CCSER1: variants seen among roughly 807,000 people sequenced by gnomAD.
The protein encoded by CCSER1 is serine-rich coiled-coil domain-containing protein 1.
Under a neutral mutation model 82.0 loss-of-function variants are expected in CCSER1, and 41 were observed. The observed-to-expected ratio is 0.50, with a 90% confidence interval of 0.39 to 0.65. The LOEUF is 0.65. Ranked by LOEUF, CCSER1 falls within the 30% of genes least tolerant of loss-of-function variation. The probability of loss-of-function intolerance (pLI) is 0.00; values close to 1 mark genes in which losing one functional copy is unlikely to be tolerated. For missense variants in CCSER1, 1,119 were observed against 1,064.2 expected, an observed-to-expected ratio of 1.05 and a Z score of -0.72; for synonymous variants, 414 against 383.9, an observed-to-expected ratio of 1.08 and a Z score of -0.92.
chr4:90,962,487 A>C (rs538860488), intron 9 of CCSER1, among the ~76,000 whole-genome samples: 1 of 152,284 alleles, frequency 6.6e-6, no homozygotes, highest in South Asian at 2.1e-4. Flanking sequence ...TCAATTTGAC[A>C]GTAAAATAAA....
intron 10 of CCSER1, among the ~76,000 whole-genome samples, chr4:91,142,753 G>T (rs955231678): frequency 1.3e-5 from 2 of 152,070 alleles, no homozygotes; most frequent in Non-Finnish European, 2.9e-5. Flanking sequence ...TCCTTATAGT[G>T]TATTTCTGTA....
intron 10 of CCSER1, among the ~76,000 whole-genome samples, chr4:91,463,562 A>C (rs971967978): frequency 3.3e-5 from 5 of 152,210 alleles, no homozygotes; most frequent in African/African-American, 9.6e-5. Context: ...CTCTGAGCTA[A>C]AGGAGGAAGT....
chr4:90,444,845 T>G (rs368816650), intron 4 of CCSER1, among the ~76,000 whole-genome samples: 1 of 152,172 alleles, frequency 6.6e-6, no homozygotes, highest in African/African-American at 2.4e-5. Flanking sequence ...AACTTTTAAC[T>G]GAAAATAAGA....
chr4:90,468,610 A>T (rs1000366012), intron 5 of CCSER1: 7 of 287,472 alleles, frequency 2.4e-5, no homozygotes, highest in African/African-American at 1.5e-4. Context: ...AGGCTGATGT[A>T]CTTTATTTCC....
intron 5 of CCSER1, among the ~76,000 whole-genome samples, chr4:90,534,819 A>G (rs1775112186): frequency 6.6e-6 from 1 of 152,202 alleles, no homozygotes; most frequent in Admixed American, 6.5e-5. Flanking sequence ...CATTTATTAT[A>G]CACACACTTA....
chr4:90,350,078 A>G (rs1404145231), intron 3 of CCSER1, among the ~76,000 whole-genome samples: 4 of 152,208 alleles, frequency 2.6e-5, no homozygotes, highest in Non-Finnish European at 5.9e-5. Context: ...GGCCTGGCAC[A>G]TAATAGATGA....
chr4:91,478,675 T>C (rs571467357), intron 10 of CCSER1, among the ~76,000 whole-genome samples: 65 of 151,976 alleles, frequency 4.3e-4, no homozygotes, highest in Non-Finnish European at 7.4e-4. Flanking sequence ...AATGTCAAAG[T>C]TCGAAATGGT....
At chr4:90,440,322 T>A (rs909610487) in intron 4 of CCSER1, among the ~76,000 whole-genome samples, 6 of 152,176 alleles carry the variant, frequency 3.9e-5, no homozygotes, top group African/African-American at 1.2e-4. Flanking sequence ...ATATTTTAAA[T>A]TTCTGTGTAA....
chr4:90,570,993 T>C (rs1780052217), intron 5 of CCSER1, among the ~76,000 whole-genome samples: 1 of 151,582 alleles, frequency 6.6e-6, no homozygotes, highest in African/African-American at 2.4e-5. Flanking sequence ...ATGCTCAACA[T>C]CACTAATCAG....
At chr4:91,456,556 CT>C (rs150787098) in intron 10 of CCSER1, among the ~76,000 whole-genome samples, 1,772 of 152,032 alleles carry the variant, frequency 0.012, 33 homozygotes, top group African/African-American at 0.041. Context: ...ATTCTGTTCT[CT>C]TTTTTTAAGT....
At chr4:90,202,202 CTTT>C (rs35938889) in intron 1 of CCSER1, among the ~76,000 whole-genome samples, 1 of 137,442 alleles carries the variant, frequency 7.3e-6, no homozygotes, top group Non-Finnish European at 1.6e-5. Flanking sequence ...GTAAGTAAAA[CTTT>C]TTTTTTTTTT....
intron 7 of CCSER1, chr4:90,781,524 CT>C: frequency 1.0e-6 from 1 of 984,210 alleles, no homozygotes; most frequent in Non-Finnish European, 1.2e-6. Context: ...AGATGTTAAA[CT>C]TGAAACACTT....
At chr4:90,538,115 C>T (rs960479149) in intron 5 of CCSER1, among the ~76,000 whole-genome samples, 2 of 152,012 alleles carry the variant, frequency 1.3e-5, no homozygotes, top group African/African-American at 4.8e-5. Flanking sequence ...TCATTCTTTT[C>T]AGATATAAGG....
chr4:91,054,914 T>A (rs1045269963), intron 9 of CCSER1, among the ~76,000 whole-genome samples: 1 of 152,158 alleles, frequency 6.6e-6, no homozygotes, highest in Non-Finnish European at 1.5e-5. Context: ...TGTAGCTGGA[T>A]TCTGTTTTTC....
chr4:90,942,041 G>A (rs28718569), intron 9 of CCSER1, among the ~76,000 whole-genome samples: 43,285 of 151,666 alleles, frequency 0.29, 6,552 homozygotes, highest in Non-Finnish European at 0.32. Context: ...TCTGCCTCTC[G>A]GGCTCAAGCC....
At chr4:90,616,778 T>A (rs1721367839) in intron 5 of CCSER1, among the ~76,000 whole-genome samples, 1 of 150,270 alleles carries the variant, frequency 6.7e-6, no homozygotes, top group African/African-American at 2.5e-5. Context: ...AAAAAATGTT[T>A]TAGGTTAAAT....
chr4:90,781,124 G>T (rs57523538), intron 7 of CCSER1: 70,094 of 249,578 alleles, frequency 0.28, 10,774 homozygotes, highest in African/African-American at 0.46. Flanking sequence ...ACCCAGCCAT[G>T]AGGGATCCAC....
intron 8 of CCSER1, among the ~76,000 whole-genome samples, chr4:90,852,751 G>A (rs1031363043): frequency 6.6e-6 from 1 of 152,166 alleles, no homozygotes; most frequent in Non-Finnish European, 1.5e-5. Context: ...TTGACAAGTG[G>A]CACAAAATCC....
chr4:91,167,640 G>A lies in CCSER1; in HGVS notation c.2217+81646G>A, dbSNP rs1192263645. Among the ~76,000 whole-genome samples, 4 of 152,104 alleles carry A rather than the reference G, an allele frequency of 2.6e-5. No homozygotes were observed. In the East Asian group the frequency reaches 5.8e-4, roughly 22 times the overall value. On this transcript the variant is annotated intron_variant, in intron 10 of 10. Transcript: ENST00000509176. The stretch of plus-strand genomic sequence containing the variant: ...ACAGTTTGAGTGTGTTTTCAATTAT[G>A]CAACTGTTTGCTTAATGTTTATAGG...
Sources: gnomAD v4.1 joint callset for allele counts (sites outside exome capture counted in the v4.1 genomes callset) on GRCh38, gnomAD v4.1.1 for gene constraint, MANE v1.5 for transcripts, NCBI Gene and HGNC (gene_info 2026-07-23, HGNC 2026-07-21) for gene names.